The following NCOR1 variants were observed in gnomAD, a reference collection of about 807,000 sequenced individuals.
The protein encoded by NCOR1 is nuclear receptor corepressor 1.
NCOR1 carries 63 observed loss-of-function variants against 288.1 expected under a neutral mutation model. That is an observed-to-expected ratio of 0.22 (90% CI 0.18 to 0.27). The LOEUF is 0.27. NCOR1 is among the 10% of genes least tolerant of loss of function. NCOR1 has a pLI of 1.00. For synonymous variants in NCOR1, 1,007 were observed against 1,065.9 expected, an observed-to-expected ratio of 0.94 and a Z score of 1.08; for missense variants, 2,397 against 3,019.2, an observed-to-expected ratio of 0.79 and a Z score of 4.83.
intron 40 of NCOR1, among the ~76,000 whole-genome samples, chr17:16,052,352 TAAAAC>T (rs1389412798): frequency 2.6e-5 from 4 of 151,976 alleles, no homozygotes; most frequent in Non-Finnish European, 5.9e-5. Flanking sequence ...AAAAAATTAA[TAAAAC>T]AGACTGCTAG....
intron 21 of NCOR1, 46 bp from the exon 22 acceptor site, chr17:16,092,104 A>G (rs1451442993): frequency 1.3e-6 from 2 of 1,593,030 alleles, no homozygotes; most frequent in South Asian, 2.2e-5. Flanking sequence ...CCAATGTAAT[A>G]ATTGCCATCT....
chr17:16,065,424 C>T (rs1284358693), intron 33 of NCOR1, 61 bp downstream of exon 33: 2 of 1,530,954 alleles, frequency 1.3e-6, no homozygotes, highest in African/African-American at 2.7e-5. Context: ...TTACTGAGTA[C>T]CTAAGAAACA....
chr17:16,092,673 ATATATATATATATATATATATATTTTTTT>A lies in NCOR1; in HGVS notation c.2821-644_2821-616del, dbSNP rs1485594246. Among the ~76,000 whole-genome samples, 13 of 16,316 alleles carry A rather than the reference ATATATATATATATATATATATATTTTTTT, an allele frequency of 8.0e-4. 1 individual carries two copies. The highest frequency in any genetic ancestry group is 3.2e-3 in the South Asian group (1 of 310). The allele number at this position is 16,316 out of a possible 152,430, so 10.7% of individuals were successfully genotyped here. On this transcript the variant is annotated intron_variant, in intron 21 of 45. Transcript: ENST00000268712. ...TATATATATATATATATATATATAT[ATATATATATATATATATATATATTTTTTT>A]TTTTTTTTTTTTTTAAGACATAGTC...
At chr17:16,187,085 A>G (rs2086810158) in intron 2 of NCOR1, among the ~76,000 whole-genome samples, 1 of 152,184 alleles carries the variant, frequency 6.6e-6, no homozygotes. Context: ...CACACTTACA[A>G]TGAAGAAACT....
Position 16,065,367 on chromosome 17 carries a change from A to G in NCOR1, c.4951+118T>C, listed in dbSNP as rs1016121018. 3.5e-6 allele frequency: 4 copies of G among 1,155,408 alleles called. No homozygotes were observed. In the African/African-American group the frequency reaches 4.7e-5, roughly 13 times the overall value. 71.6% of individuals were successfully genotyped at this position (1,155,408 alleles called of 1,614,324 possible). A position where few individuals can be genotyped will look rare whatever the true frequency, so the allele number is the denominator to read the frequency against. On this transcript the variant is annotated intron_variant, in intron 33 of 45. Coordinates refer to ENST00000268712, the MANE Select transcript of NCOR1 (RefSeq NM_006311.4). ...CTAAAAAGTCTACGGGAGGAAGGAT[A>G]TAGTATTCTTTTCTTTCTTTCTTTC...
chr17:16,057,899 A>G lies in NCOR1; in HGVS notation c.6168+8T>C. Reference sequence around the variant, plus strand: ...AAAATTAACTAATAAGAATAATGAAAAACTTACACAGATGTGATCAGCAAG... The same window carrying G: ...AAAATTAACTAATAAGAATAATGAAGAACTTACACAGATGTGATCAGCAAG... On this transcript the variant is annotated splice_region_variant and intron_variant, in intron 39 of 45. Coordinates refer to ENST00000268712, the MANE Select transcript of NCOR1 (RefSeq NM_006311.4). The G allele has an allele frequency of 6.3e-7, 1 of 1,575,606 alleles. No homozygotes were observed. The highest frequency in any genetic ancestry group is 8.6e-7 in the Non-Finnish European group (1 of 1,165,130).
At chr17:16,207,530 A>G (rs2153605789) in intron 1 of NCOR1, among the ~76,000 whole-genome samples, 1 of 152,242 alleles carries the variant, frequency 6.6e-6, no homozygotes, top group Admixed American at 6.5e-5. Flanking sequence ...TCACGAGGTC[A>G]GGAGATCGAG....
At chr17:16,137,970 T>C in intron 13 of NCOR1, 188 bp downstream of exon 13, 1 of 504,892 alleles carries the variant, frequency 2.0e-6, no homozygotes, top group South Asian at 3.3e-5. Context: ...TCATTAACCA[T>C]TTAGTTCTGT....
chr17:16,092,676 TATATA>T (rs2065494455), intron 21 of NCOR1, among the ~76,000 whole-genome samples: 1 of 23,796 alleles, frequency 4.2e-5, no homozygotes, highest in Non-Finnish European at 6.7e-5. Flanking sequence ...TATATATATA[TATATA>T]TATATATATA....
At chr17:16,066,632 T>G (rs2061156284) in intron 32 of NCOR1, among the ~76,000 whole-genome samples, 1 of 152,208 alleles carries the variant, frequency 6.6e-6, no homozygotes, top group African/African-American at 2.4e-5. Flanking sequence ...TCTGGAATAT[T>G]TGCTTCCCCT....
chr17:16,202,409 A>G (rs1361638757), intron 1 of NCOR1, among the ~76,000 whole-genome samples: 1 of 151,920 alleles, frequency 6.6e-6, no homozygotes, highest in African/African-American at 2.4e-5. Flanking sequence ...TCAAAAAAAA[A>G]AAAAAAGAAC....
At chr17:16,063,855 T>C (rs2060812637) in intron 35 of NCOR1, among the ~76,000 whole-genome samples, 1 of 152,242 alleles carries the variant, frequency 6.6e-6, no homozygotes, top group Admixed American at 6.5e-5. Context: ...ATAAAAATGA[T>C]ACCTTCATCA....
At chr17:16,136,299 C>T (rs1262554083) in intron 14 of NCOR1, among the ~76,000 whole-genome samples, 1 of 152,148 alleles carries the variant, frequency 6.6e-6, no homozygotes, top group African/African-American at 2.4e-5. Context: ...CATCCTCCCA[C>T]CTCAGCCTCC....
chr17:16,158,010 G>A (rs1310456988), intron 6 of NCOR1, among the ~76,000 whole-genome samples: 1 of 150,200 alleles, frequency 6.7e-6, no homozygotes, highest in Admixed American at 6.6e-5. Context: ...GTTTTGGTCT[G>A]TTGTCTAGAC....
In NCOR1 at chr17:16,075,012, C is replaced by G. The variant is rs191133844; in HGVS notation, c.3670+522G>C. 2.7e-3 allele frequency among the ~76,000 whole-genome samples: 415 copies of G among 152,176 alleles called. 2 individuals are homozygous for G. The highest frequency in any genetic ancestry group is 9.5e-3 in the African/African-American group (393 of 41,518). On this transcript the variant is annotated intron_variant, in intron 27 of 45. Coordinates refer to ENST00000268712, the MANE Select transcript of NCOR1 (RefSeq NM_006311.4). ...CCTCCCGAGTAGCTGGGACTACAGG[C>G]GCCCGCCACCATGCCCGGCTAATTT... is the stretch of plus-strand genomic sequence containing the variant.
intron 18 of NCOR1, among the ~76,000 whole-genome samples, chr17:16,113,152 T>G (rs903882802): frequency 2.0e-5 from 3 of 151,868 alleles, no homozygotes; most frequent in Non-Finnish European, 2.9e-5. Context: ...CCTGACCTTG[T>G]GTTCTGCCCT....
rs11652025 is a variant in NCOR1, at chr17:16,062,549, T to G, written c.5222-279A>C. 0.53 allele frequency among the ~76,000 whole-genome samples: 80,827 copies of G among 152,020 alleles called. 21,865 individuals are homozygous for G. Among genetic ancestry groups the G allele is most frequent in the Middle Eastern group, 0.62 (182 of 292 alleles). On this transcript the variant is annotated intron_variant, in intron 35 of 45. Coordinates refer to ENST00000268712, the MANE Select transcript of NCOR1 (RefSeq NM_006311.4). The stretch of plus-strand genomic sequence containing the variant: ...CTGATAAATTTCAATCTTGATTCCA[T>G]AAATAAAACAGCACCAACAAGAAGT...
At chr17:16,155,489 T>C (rs959323094) in intron 6 of NCOR1, among the ~76,000 whole-genome samples, 5 of 152,178 alleles carry the variant, frequency 3.3e-5, no homozygotes, top group African/African-American at 1.2e-4. Context: ...TACAAATATT[T>C]TTGGAACTTA....
intron 26 of NCOR1, among the ~76,000 whole-genome samples, chr17:16,076,417 TGAG>T (rs1396967329): frequency 5.9e-5 from 9 of 152,162 alleles, no homozygotes; most frequent in Non-Finnish European, 1.0e-4. Flanking sequence ...GCCTTGAAGA[TGAG>T]GAGCATAGTG....
Sources: allele counts gnomAD v4.1 joint callset (sites outside exome capture counted in the v4.1 genomes callset), GRCh38; gene constraint gnomAD v4.1.1; transcripts MANE v1.5; gene names NCBI Gene and HGNC (gene_info 2026-07-23, HGNC 2026-07-21).